Variants in ADGRV1 observed in about 807,000 individuals in gnomAD.
ADGRV1 encodes the protein G-protein coupled receptor 98.
In ADGRV1, 359 loss-of-function variants were observed where a neutral mutation model predicts 596.2. The ratio of observed to expected loss-of-function variants is 0.60; its 90% CI spans 0.55 to 0.66. ADGRV1 has a LOEUF of 0.66. ADGRV1 is among the 30% of genes least tolerant of loss of function. The pLI is 0.00. For missense variants in ADGRV1, 7,274 were observed against 7,575.6 expected, an observed-to-expected ratio of 0.96 and a Z score of 1.48; for synonymous variants, 2,681 against 2,679.2, an observed-to-expected ratio of 1.00 and a Z score of -0.02.
intron 25 of ADGRV1, among the ~76,000 whole-genome samples, chr5:90,678,880 A>G (rs1433977682): frequency 1.3e-5 from 2 of 152,036 alleles, no homozygotes. Context: ...TTCAACCCAT[A>G]GCAACAACAT....
rs761387315 is a variant in ADGRV1 at position 90,840,889 on chromosome 5, T to C, written c.16923T>C (p.Asp5641=). Residue 5641 remains aspartate, a synonymous_variant, in exon 78 of 90, where the codon GAT becomes GAC. Transcript: ENST00000405460. ...LADQLHQPVN[D]DILNRVLHTI... ...ATCAGCTACATCAGCCTGTGAATGATGATATTCTCAACAGAGTGCTCCATA... is the reference window on the plus strand; with the variant it reads ...ATCAGCTACATCAGCCTGTGAATGACGATATTCTCAACAGAGTGCTCCATA... The C allele has an allele frequency of 6.3e-7, 1 of 1,599,782 alleles. No homozygotes were observed. The highest frequency in any genetic ancestry group is 8.5e-7 in the Non-Finnish European group (1 of 1,171,588).
chr5:90,755,277 T>A (rs926922806), intron 55 of ADGRV1, 92 bp downstream of exon 55: 1 of 773,700 alleles, frequency 1.3e-6, no homozygotes, highest in Admixed American at 2.9e-5. Context: ...ATCTTTTTTT[T>A]AATAAAAGGA....
At chr5:90,668,002 GC>G in intron 21 of ADGRV1, among the ~76,000 whole-genome samples, 1 of 152,022 alleles carries the variant, frequency 6.6e-6, no homozygotes, top group East Asian at 1.9e-4. Flanking sequence ...GAGAACCACT[GC>G]TCTCTTCAAA....
intron 59 of ADGRV1, among the ~76,000 whole-genome samples, chr5:90,766,136 C>T (rs1294720182): frequency 3.3e-5 from 5 of 152,102 alleles, no homozygotes; most frequent in Admixed American, 3.3e-4. Flanking sequence ...GTCTTGATCT[C>T]CTGACCTCAT....
chr5:90,643,969 A>G lies in ADGRV1; in HGVS notation c.2720A>G (p.Asp907Gly). The G allele has an allele frequency of 6.2e-7, 1 of 1,600,604 alleles. No individual in the cohort carries two copies. Among genetic ancestry groups the G allele is most frequent in the South Asian group, 1.1e-5 (1 of 89,692 alleles). The change falls in exon 14 of 90, where the codon GAT becomes GGT. Residue 907 changes from aspartate to glycine, a missense_variant. By Grantham distance (94) the Asp-to-Gly change is moderately conservative. Transcript: ENST00000405460. ...GTGATGATAAATGAAAGCAAAGGAG[A>G]TGCTATCTATAGTGGTAATTTATTC... ...LIVMINESKG[D>G]AIYSAVYDVV...
At chr5:90,581,150 C>A (rs1313406233) in intron 1 of ADGRV1, among the ~76,000 whole-genome samples, 1 of 152,144 alleles carries the variant, frequency 6.6e-6, no homozygotes, top group Non-Finnish European at 1.5e-5. Flanking sequence ...GTTAGCCATT[C>A]GTCTAACCTT....
Position 90,774,274 on chromosome 5 carries a change from T to C in ADGRV1, c.12374T>C (p.Ile4125Thr), listed in dbSNP as rs772749903. The change falls in exon 60 of 90, where the codon ATT (isoleucine) becomes ACT (threonine). Residue 4125 changes from isoleucine to threonine, a missense_variant. By Grantham distance (89) the Ile-to-Thr change is moderately conservative. Coordinates refer to ENST00000405460, the MANE Select transcript of ADGRV1 (RefSeq NM_032119.4). The part of the protein sequence containing the change: ...DRRFTIQLIS[I>T]DEVEISPVKG... ...CGTTTCACCATTCAGCTGATATCAA[T>C]TGATGAGGTAGAAATATCTCCAGTA... 6.3e-7 allele frequency: 1 copy of C among 1,595,774 alleles called. No individual in the cohort carries two copies. Among genetic ancestry groups the C allele is most frequent in the Non-Finnish European group, 8.6e-7 (1 of 1,163,632 alleles).
intron 60 of ADGRV1, among the ~76,000 whole-genome samples, chr5:90,775,343 A>G (rs1396914993): frequency 6.6e-6 from 1 of 152,178 alleles, no homozygotes; most frequent in African/African-American, 2.4e-5. Flanking sequence ...ATATTCTTTT[A>G]TAAGTCTTTA....
At chr5:90,915,359 G>A (rs1364257287) in intron 83 of ADGRV1, among the ~76,000 whole-genome samples, 2 of 152,178 alleles carry the variant, frequency 1.3e-5, no homozygotes, top group Admixed American at 6.5e-5. Context: ...GATTTGTTGT[G>A]TAGAATGACT....
At chr5:90,762,721 A>G (rs1365906402) in intron 58 of ADGRV1, 1 of 152,272 alleles carries the variant, frequency 6.6e-6, no homozygotes, top group Non-Finnish European at 1.5e-5. Flanking sequence ...TAGGTACACC[A>G]TAATTCAGAG....
At chr5:90,665,727 T>C (rs1033412228) in intron 21 of ADGRV1, among the ~76,000 whole-genome samples, 7 of 149,680 alleles carry the variant, frequency 4.7e-5, no homozygotes, top group African/African-American at 1.5e-4. Flanking sequence ...TTTGGATCTT[T>C]CCTGCTTTCT....
chr5:90,680,582 C>T (rs1023496404), intron 26 of ADGRV1, among the ~76,000 whole-genome samples: 2 of 152,128 alleles, frequency 1.3e-5, no homozygotes, highest in African/African-American at 4.8e-5. Context: ...ATCCTCAAAT[C>T]CTTCTTTTTT....
intron 86 of ADGRV1, among the ~76,000 whole-genome samples, chr5:91,080,009 C>T (rs1276415857): frequency 6.6e-6 from 1 of 152,050 alleles, no homozygotes; most frequent in East Asian, 1.9e-4. Flanking sequence ...ATTCATCAGG[C>T]ACTGTGTTAA....
At chr5:90,719,654 C>T (rs766212669) in intron 43 of ADGRV1, among the ~76,000 whole-genome samples, 4 of 152,014 alleles carry the variant, frequency 2.6e-5, no homozygotes, top group African/African-American at 7.2e-5. Context: ...GATGAACGTT[C>T]GGATGTTTCT....
intron 85 of ADGRV1, among the ~76,000 whole-genome samples, chr5:91,051,640 G>T (rs955685223): frequency 6.7e-6 from 1 of 149,034 alleles, no homozygotes; most frequent in Non-Finnish European, 1.5e-5. Context: ...ACCACCTGCC[G>T]GGTTCATGCC....
rs186624245 is a variant in ADGRV1 at position 90,969,901 on chromosome 5, G to A, written c.17973+4370G>A. On this transcript the variant is annotated intron_variant, in intron 84 of 89. Transcript: ENST00000405460. ...GGCAGGACAGTGGGTGCAACCCACC[G>A]AGCGTGAGCCGAAGCAGGGCGAGGC... Among the ~76,000 whole-genome samples, 42 of 152,312 alleles carry A rather than the reference G, an allele frequency of 2.8e-4. No homozygotes were observed. The East Asian group carries it at 5.6e-3, about 20-fold the overall frequency.
chr5:91,034,346 A>G (rs1388868342), intron 85 of ADGRV1, among the ~76,000 whole-genome samples: 1 of 152,196 alleles, frequency 6.6e-6, no homozygotes, highest in Non-Finnish European at 1.5e-5. Context: ...AATCTGCCTC[A>G]CTGGTTAGAC....
At chr5:90,750,419 G>T in intron 52 of ADGRV1, 132 bp from the exon 53 acceptor site, 1 of 612,294 alleles carries the variant, frequency 1.6e-6, no homozygotes, top group Non-Finnish European at 2.8e-6. Flanking sequence ...TTTTTTAATT[G>T]TCGTTTTCAC....
intron 34 of ADGRV1, among the ~76,000 whole-genome samples, chr5:90,699,691 G>T (rs1386522494): frequency 6.6e-6 from 1 of 152,118 alleles, no homozygotes; most frequent in Non-Finnish European, 1.5e-5. Flanking sequence ...GAGTTGGAGG[G>T]CTCTGAAGAC....
Sources: allele counts gnomAD v4.1 joint callset (sites outside exome capture counted in the v4.1 genomes callset), GRCh38; gene constraint gnomAD v4.1.1; transcripts MANE v1.5; gene names NCBI Gene and HGNC (gene_info 2026-07-23, HGNC 2026-07-21).